RAP1GAP2: variants seen among roughly 807,000 people sequenced by gnomAD.
RAP1GAP2 encodes the protein RAP1 GTPase activating protein 2.
RAP1GAP2 carries 27 observed loss-of-function variants against 95.0 expected under a neutral mutation model. The observed-to-expected ratio is 0.28, with a 90% CI of 0.21 to 0.39. The LOEUF is 0.39. RAP1GAP2 is among the 10% of genes least tolerant of loss of function. The pLI is 1.00. For missense variants in RAP1GAP2, 771 were observed against 970.0 expected, an observed-to-expected ratio of 0.79 and a Z score of 2.72; for synonymous variants, 373 against 380.9, an observed-to-expected ratio of 0.98 and a Z score of 0.24.
intron 17 of RAP1GAP2, among the ~76,000 whole-genome samples, chr17:3,010,117 G>A (rs183906650): frequency 1.1e-4 from 16 of 152,160 alleles, no homozygotes; most frequent in Non-Finnish European, 2.2e-4. Context: ...CGAGGCAGGC[G>A]GATCACGAGG....
rs1276820309 is a variant in RAP1GAP2, at chr17:3,037,321, A to G, written c.*3960A>G. 1 of 129,064 alleles carries G rather than the reference A, an allele frequency of 7.7e-6. No homozygotes were observed. Among genetic ancestry groups the G allele is most frequent in the Non-Finnish European group, 1.6e-5 (1 of 63,000 alleles). The allele number at this position is 129,064 out of a possible 1,614,324, so 8.0% of individuals were successfully genotyped here. ...GCTGGAAGACTGGAATTTAATTGCC[A>G]TCGTCTTTGATTTTGTGACATTTCT... On this transcript the variant is annotated 3_prime_UTR_variant, in exon 25 of 25. Transcript: ENST00000254695.
chr17:2,897,743 G>A (rs2041885819), intron 2 of RAP1GAP2, among the ~76,000 whole-genome samples: 1 of 152,072 alleles, frequency 6.6e-6, no homozygotes, highest in Non-Finnish European at 1.5e-5. Context: ...GAAGAGAAGA[G>A]AGGCTCACTG....
intron 13 of RAP1GAP2, among the ~76,000 whole-genome samples, chr17:2,997,935 A>G (rs575693586): frequency 6.6e-6 from 1 of 151,806 alleles, no homozygotes; most frequent in South Asian, 2.1e-4. Context: ...AAAAAAAAAA[A>G]AAAGAAAAAA....
chr17:2,824,754 A>AAG (rs1555548144), intron 2 of RAP1GAP2, among the ~76,000 whole-genome samples: 1 of 150,104 alleles, frequency 6.7e-6, no homozygotes, highest in African/African-American at 2.5e-5. Context: ...AAAAAAAAAA[A>AAG]AAAAAAAAAG....
chr17:2,968,273 T>C (rs943816944), intron 8 of RAP1GAP2, among the ~76,000 whole-genome samples: 2 of 152,150 alleles, frequency 1.3e-5, no homozygotes, highest in Admixed American at 1.3e-4. Context: ...TTAAATAGTA[T>C]ATGAAACAGT....
chr17:3,000,192 G>C (rs2046105118), intron 14 of RAP1GAP2, among the ~76,000 whole-genome samples: 1 of 152,170 alleles, frequency 6.6e-6, no homozygotes, highest in South Asian at 2.1e-4. Flanking sequence ...CAAGTGATCT[G>C]CCTGCCTCTG....
At chr17:2,988,456 T>C (rs2045632770) in intron 11 of RAP1GAP2, among the ~76,000 whole-genome samples, 2 of 152,200 alleles carry the variant, frequency 1.3e-5, no homozygotes, top group African/African-American at 4.8e-5. Context: ...TCAAAAATGG[T>C]ATATAAATGT....
chr17:2,890,238 T>C (rs11652404), intron 2 of RAP1GAP2, among the ~76,000 whole-genome samples: 42,109 of 151,948 alleles, frequency 0.28, 6,236 homozygotes, highest in African/African-American at 0.32. Flanking sequence ...GAAAACAGCT[T>C]CATGCATTTG....
chr17:2,771,404 G>A (rs1044812357), intron 2 of RAP1GAP2, among the ~76,000 whole-genome samples: 5 of 151,772 alleles, frequency 3.3e-5, no homozygotes, highest in Non-Finnish European at 7.4e-5. Flanking sequence ...CAACCCTTCT[G>A]CAGCCACAGC....
intron 1 of RAP1GAP2, among the ~76,000 whole-genome samples, chr17:2,756,663 G>C (rs538900109): frequency 6.6e-6 from 1 of 152,312 alleles, no homozygotes; most frequent in East Asian, 1.9e-4. Flanking sequence ...AGCAGGGTCA[G>C]AGAGCACCTC....
intron 2 of RAP1GAP2, among the ~76,000 whole-genome samples, chr17:2,860,699 G>A (rs1051004502): frequency 2.0e-5 from 3 of 149,318 alleles, no homozygotes; most frequent in African/African-American, 7.4e-5. Context: ...CGCCTCCTGG[G>A]TTCAAGCGAT....
At chr17:2,916,656 G>A (rs554234650) in intron 3 of RAP1GAP2, among the ~76,000 whole-genome samples, 3 of 152,326 alleles carry the variant, frequency 2.0e-5, no homozygotes, top group African/African-American at 7.2e-5. Flanking sequence ...GCCACCGGGA[G>A]GAGTGGGTGT....
intron 2 of RAP1GAP2, among the ~76,000 whole-genome samples, chr17:2,891,874 A>C (rs552530228): frequency 1.2e-4 from 14 of 113,182 alleles, no homozygotes; most frequent in Admixed American, 4.2e-4. Context: ...CCCAGGCTGG[A>C]GTGTAATGAT....
chr17:2,985,954 C>T (rs547389449), intron 11 of RAP1GAP2, among the ~76,000 whole-genome samples: 1 of 152,234 alleles, frequency 6.6e-6, no homozygotes, highest in African/African-American at 2.4e-5. Flanking sequence ...ACTGTTTCCT[C>T]ACCGAGACTC....
At chr17:2,992,793 A>C (rs1177703220) in intron 12 of RAP1GAP2, among the ~76,000 whole-genome samples, 1 of 151,756 alleles carries the variant, frequency 6.6e-6, no homozygotes, top group Non-Finnish European at 1.5e-5. Context: ...CCCTCCCTCA[A>C]GGTCATCACG....
At chr17:2,920,014 T>C (rs2042702389) in intron 3 of RAP1GAP2, among the ~76,000 whole-genome samples, 1 of 149,652 alleles carries the variant, frequency 6.7e-6, no homozygotes, top group East Asian at 2.0e-4. Flanking sequence ...TTTTTTCTTT[T>C]TTTTTTTTTT....
chr17:2,998,119 T>C, intron 13 of RAP1GAP2, 102 bp from the exon 14 acceptor site: 1 of 1,299,458 alleles, frequency 7.7e-7, no homozygotes, highest in Non-Finnish European at 1.1e-6. Context: ...CACTCAGAAT[T>C]CAGTTTTCCT....
chr17:2,771,497 TTG>T (rs1567636285), intron 2 of RAP1GAP2, among the ~76,000 whole-genome samples: 3 of 149,360 alleles, frequency 2.0e-5, no homozygotes, highest in Admixed American at 6.6e-5. Flanking sequence ...TTTTTTTTTT[TTG>T]TTTTTTTTTT....
chr17:2,897,260 C>A (rs1168898660), intron 2 of RAP1GAP2, among the ~76,000 whole-genome samples: 1 of 152,044 alleles, frequency 6.6e-6, no homozygotes, highest in Non-Finnish European at 1.5e-5. Flanking sequence ...ATTGCCGGAA[C>A]CCAGGAGGCG....
Sources: gnomAD v4.1 joint callset for allele counts (sites outside exome capture counted in the v4.1 genomes callset) on GRCh38, gnomAD v4.1.1 for gene constraint, MANE v1.5 for transcripts, NCBI Gene and HGNC (gene_info 2026-07-23, HGNC 2026-07-21) for gene names.